SLC26A7: variants seen among roughly 807,000 people sequenced by gnomAD.
The protein encoded by SLC26A7 is anion exchange transporter.
Under a neutral mutation model 82.5 loss-of-function variants are expected in SLC26A7, and 59 were observed. The observed-to-expected ratio is 0.72, with a 90% CI of 0.58 to 0.89. The LOEUF is 0.89. Ranked by LOEUF, SLC26A7 falls within the 40% of genes least tolerant of loss-of-function variation. The pLI is 0.00. For missense variants in SLC26A7, 820 were observed against 793.0 expected (o/e 1.03, Z -0.41); for synonymous variants, 271 against 274.3 (o/e 0.99, Z 0.12).
chr8:91,278,848 T>C (rs1811477485), intron 2 of SLC26A7, among the ~76,000 whole-genome samples: 1 of 151,980 alleles, frequency 6.6e-6, no homozygotes, highest in Admixed American at 6.6e-5. Context: ...TCTTTTGAAC[T>C]TATTTCTCCT....
At chr8:91,368,413 G>GTTTTTTTTTTTTTTTTTTTT (rs565439844) in intron 14 of SLC26A7, among the ~76,000 whole-genome samples, 2 of 144,990 alleles carry the variant, frequency 1.4e-5, no homozygotes, top group Non-Finnish European at 3.0e-5. Context: ...TTCAGATGAG[G>GTTTTTTTTTTTTTTTTTTTT]TTTTTTTTTT....
intron 9 of SLC26A7, chr8:91,348,294 A>T: frequency 1.0e-6 from 1 of 984,434 alleles, no homozygotes; most frequent in Non-Finnish European, 1.2e-6. Context: ...ACTACTTTCC[A>T]CAAGACTGCA....
At chr8:91,225,897 C>G (rs1212394395) in intron 2 of SLC26A7, among the ~76,000 whole-genome samples, 1 of 152,058 alleles carries the variant, frequency 6.6e-6, no homozygotes, top group East Asian at 1.9e-4. Context: ...GTGACTTACT[C>G]CCAGTCCAGC....
At chr8:91,243,345 A>G (rs1042093391) in intron 2 of SLC26A7, among the ~76,000 whole-genome samples, 2 of 152,218 alleles carry the variant, frequency 1.3e-5, no homozygotes, top group African/African-American at 4.8e-5. Context: ...GACATCAGTC[A>G]GTAGAGGACT....
chr8:91,367,603 T>TAGCCACATACTA (rs1814233768), intron 14 of SLC26A7, among the ~76,000 whole-genome samples: 3 of 152,228 alleles, frequency 2.0e-5, no homozygotes, highest in Admixed American at 6.5e-5. Context: ...ACTTACTAGC[T>TAGCCACATACTA]GTGGAACTTT....
At chr8:91,384,353 C>A (rs1814742107) in intron 15 of SLC26A7, among the ~76,000 whole-genome samples, 1 of 152,112 alleles carries the variant, frequency 6.6e-6, no homozygotes, top group South Asian at 2.1e-4. Context: ...TCTCTTCTGT[C>A]ACCACATCTT....
At position 91,395,242 on chromosome 8, in the gene SLC26A7, C is replaced by T; in HGVS notation, c.*145C>T. On this transcript the variant is annotated 3_prime_UTR_variant, in exon 19 of 19. Transcript: ENST00000276609. ...ACGATGTGACTTAGTAACTGCATAG[C>T]AGTTGGAAAGAACTGCCAACTTTTT... The T allele has an allele frequency of 7.0e-7, 1 of 1,428,218 alleles. No homozygotes were observed. Among genetic ancestry groups the T allele is most frequent in the Non-Finnish European group, 9.2e-7 (1 of 1,089,092 alleles). 88.5% of individuals were successfully genotyped at this position (1,428,218 alleles called of 1,614,324 possible). A position where few individuals can be genotyped will look rare whatever the true frequency, so the allele number is the denominator to read the frequency against.
upstream of SLC26A7, among the ~76,000 whole-genome samples, chr8:91,247,829 A>G (rs894245460): frequency 1.9e-4 from 29 of 152,136 alleles, no homozygotes; most frequent in African/African-American, 6.8e-4. Flanking sequence ...GCTTTCAATT[A>G]TTTTTCTCAT....
At chr8:91,316,006 G>A (rs1812619776) in intron 4 of SLC26A7, among the ~76,000 whole-genome samples, 1 of 152,168 alleles carries the variant, frequency 6.6e-6, no homozygotes, top group African/African-American at 2.4e-5. Flanking sequence ...GGATGTGGTA[G>A]AACCTGGGTC....
intron 2 of SLC26A7, among the ~76,000 whole-genome samples, chr8:91,270,006 C>CT (rs1171539633): frequency 6.6e-6 from 1 of 151,782 alleles, no homozygotes; most frequent in Non-Finnish European, 1.5e-5. Flanking sequence ...ATTTTTTATA[C>CT]TTTTTTGTGA....
intron 2 of SLC26A7, among the ~76,000 whole-genome samples, chr8:91,237,007 A>G (rs1239255833): frequency 6.6e-6 from 1 of 152,226 alleles, no homozygotes; most frequent in Non-Finnish European, 1.5e-5. Flanking sequence ...AAGATTACAA[A>G]GCTAAGAAGT....
chr8:91,327,590 C>T (rs1333971558), intron 5 of SLC26A7, among the ~76,000 whole-genome samples: 1 of 152,126 alleles, frequency 6.6e-6, no homozygotes, highest in Non-Finnish European at 1.5e-5. Context: ...TGGATGTTAC[C>T]ATTGTTTCTG....
At chr8:91,333,842 T>C (rs1813164089) in intron 5 of SLC26A7, among the ~76,000 whole-genome samples, 1 of 152,154 alleles carries the variant, frequency 6.6e-6, no homozygotes, top group Admixed American at 6.6e-5. Context: ...AAGCCAAATA[T>C]CTGATGTCAG....
intron 4 of SLC26A7, among the ~76,000 whole-genome samples, chr8:91,308,475 A>C (rs1812385779): frequency 6.6e-6 from 1 of 152,100 alleles, no homozygotes; most frequent in African/African-American, 2.4e-5. Context: ...CCACATCATA[A>C]ACTATAACAA....
Position 91,393,951 on chromosome 8 carries a change from C to T in SLC26A7, c.1847C>T (p.Ala616Val). The T allele has an allele frequency of 6.2e-7, 1 of 1,613,502 alleles. No homozygotes were observed. Among genetic ancestry groups the T allele is most frequent in the South Asian group, 1.1e-5 (1 of 91,024 alleles). The change falls in exon 18 of 19, where the codon GCA (alanine) becomes GTA (valine). Residue 616 changes from alanine to valine, a missense_variant. Transcript: ENST00000276609. ...LAHCTASLIKAMTYYGNLDSE... is the reference protein window; with the variant it reads ...LAHCTASLIKVMTYYGNLDSE... ...TTTCTTGAAGCTTCCTTGATAAAAG[C>T]AATGACGTATTATGGAAACCTAGAC...
intron 8 of SLC26A7, among the ~76,000 whole-genome samples, chr8:91,342,158 C>T (rs1338327390): frequency 2.6e-5 from 4 of 151,974 alleles, no homozygotes; most frequent in African/African-American, 7.2e-5. Context: ...CTCAAACTCC[C>T]GGCTTCAAGA....
rs575606509 is a variant in SLC26A7, at chr8:91,243,101, C to T, written c.-33-6518C>T. Among the ~76,000 whole-genome samples the T allele has an allele frequency of 3.4e-4, 51 of 152,118 alleles. No homozygotes were observed. The South Asian group carries it at 8.1e-3, about 24-fold the overall frequency. ...AATGTTTATGCTTTTAAAGTCAGAA[C>T]GCAGCTAAAAATTGTGTTAAATTTT... On this transcript the variant is annotated intron_variant, in intron 2 of 5. Coordinates refer to the SLC26A7 transcript ENST00000522862.
intron 9 of SLC26A7, chr8:91,344,198 A>T: frequency 1.0e-6 from 1 of 985,348 alleles, no homozygotes; most frequent in Non-Finnish European, 1.2e-6. Flanking sequence ...AGGCAACCTT[A>T]AGAAGGAGGT....
chr8:91,234,761 CTCCTTCCT>C lies in SLC26A7; in HGVS notation c.-33-14842_-33-14835del, dbSNP rs553369118. Among the ~76,000 whole-genome samples the C allele has an allele frequency of 9.1e-4, 136 of 150,026 alleles. 1 individual carries two copies. Among genetic ancestry groups the C allele is most frequent in the Admixed American group, 2.0e-3 (30 of 15,048 alleles). Reference sequence around the variant, plus strand: ...TCATTGTTTCTTTCTCTTTCTCTCTCTCCTTCCTTCCTTCCTTCCTTCCCTCCCTCCCT... The same window carrying C: ...TCATTGTTTCTTTCTCTTTCTCTCTCTCCTTCCTTCCTTCCCTCCCTCCCT... On this transcript the variant is annotated intron_variant, in intron 2 of 5. Transcript: ENST00000522862.
Sources: gnomAD v4.1 joint callset for allele counts (sites outside exome capture counted in the v4.1 genomes callset) on GRCh38, gnomAD v4.1.1 for gene constraint, MANE v1.5 for transcripts, NCBI Gene and HGNC (gene_info 2026-07-23, HGNC 2026-07-21) for gene names.